FBXL17: variants seen among roughly 807,000 people sequenced by gnomAD.
The protein encoded by FBXL17 is F-box and leucine rich repeat protein 17, also known as F-box/LRR-repeat protein 17.
A neutral mutation model predicts 66.2 loss-of-function variants in FBXL17; 22 were observed. The ratio of observed to expected loss-of-function variants is 0.33; its 90% CI spans 0.24 to 0.47. The LOEUF (loss-of-function observed/expected upper bound fraction) is 0.47, where lower values mean the gene tolerates loss of function less well. Among genes scored for constraint, FBXL17 ranks in the 20% least tolerant of loss-of-function variants. The probability of loss-of-function intolerance (pLI) is 1.00; values close to 1 mark genes in which losing one functional copy is unlikely to be tolerated. For missense variants in FBXL17, 878 were observed against 948.2 expected, an observed-to-expected ratio of 0.93 and a Z score of 0.97; for synonymous variants, 474 against 400.5, an observed-to-expected ratio of 1.18 and a Z score of -2.19.
intron 5 of FBXL17, among the ~76,000 whole-genome samples, chr5:108,217,625 GTTAC>G (rs1026397389): frequency 6.6e-6 from 1 of 151,888 alleles, no homozygotes; most frequent in African/African-American, 2.4e-5. Context: ...ATACAATATA[GTTAC>G]TTACTATAGT....
At chr5:108,165,776 G>A (rs1580541589) in intron 6 of FBXL17, among the ~76,000 whole-genome samples, 1 of 152,104 alleles carries the variant, frequency 6.6e-6, no homozygotes, top group Admixed American at 6.5e-5. Context: ...GAGCATGTAG[G>A]AACATGAAAA....
Position 108,186,239 on chromosome 5 carries a change from G to T in FBXL17, c.1623C>A (p.Asn541Lys). ...KGVIHLTKLR[N>K]LSSLDLRHIT... The stretch of plus-strand genomic sequence containing the variant: ...TATGACGTAGGTCCAAGCTGGAAAG[G>T]TTTCTTAGCTAATGAGATAAATAAA... The change falls in exon 6 of 9, where the codon AAC (asparagine) becomes AAA (lysine). Residue 541 changes from asparagine to lysine, a missense_variant. Physicochemically the swap from Asn to Lys is moderately conservative, Grantham distance 94 (BLOSUM62 0). Around this residue, in one of 4 missense-constraint regions of FBXL17, gnomAD observed 236 missense variants for 389.1 expected, o/e 0.61. Coordinates refer to ENST00000542267, the MANE Select transcript of FBXL17 (RefSeq NM_001163315.3). 1 of 1,610,376 alleles carries T rather than the reference G, an allele frequency of 6.2e-7. No individual in the cohort carries two copies. The highest frequency in any genetic ancestry group is 8.5e-7 in the Non-Finnish European group (1 of 1,178,204).
rs199912505 is a variant in FBXL17 at position 108,354,458 on chromosome 5, GA to G, written c.1375-5929del. Among the ~76,000 whole-genome samples, 802 of 151,170 alleles carry G rather than the reference GA, an allele frequency of 5.3e-3. 12 individuals carry two copies. Among genetic ancestry groups the G allele is most frequent in the African/African-American group, 0.019 (767 of 41,282 alleles). On this transcript the variant is annotated intron_variant, in intron 3 of 8. Transcript: ENST00000542267. ...ACTGAAAATCAGGAGAAAAAAGACT[GA>G]AAAAAAATGAACAGAATATCTAAGA...
At chr5:108,212,126 A>G (rs888851655) in intron 5 of FBXL17, among the ~76,000 whole-genome samples, 1 of 152,130 alleles carries the variant, frequency 6.6e-6, no homozygotes, top group Non-Finnish European at 1.5e-5. Context: ...CAGCTATTGA[A>G]ACTTGCGTAT....
chr5:108,361,140 CT>C (rs1473203570), intron 3 of FBXL17, among the ~76,000 whole-genome samples: 2 of 151,918 alleles, frequency 1.3e-5, no homozygotes, highest in Non-Finnish European at 2.9e-5. Flanking sequence ...ATGGGTAATA[CT>C]TTTTTCTTTG....
At chr5:108,310,177 A>T (rs945119488) in intron 4 of FBXL17, among the ~76,000 whole-genome samples, 2 of 152,158 alleles carry the variant, frequency 1.3e-5, no homozygotes, top group African/African-American at 4.8e-5. Context: ...ATACAAGATC[A>T]CAGTTCTACA....
chr5:108,068,810 T>C lies in FBXL17; in HGVS notation c.1746-47809A>G, dbSNP rs77212432. On this transcript the variant is annotated intron_variant, in intron 6 of 8. Transcript: ENST00000542267. ...CTGACAAGTGTTAGCCCAAAATGAA[T>C]GTTTACAACCTATAGTGTGCAATGG... is the stretch of plus-strand genomic sequence containing the variant. 8.9e-4 allele frequency among the ~76,000 whole-genome samples: 136 copies of C among 152,274 alleles called. 1 individual carries two copies. In the East Asian group the frequency reaches 0.022, roughly 25 times the overall value.
intron 7 of FBXL17, among the ~76,000 whole-genome samples, chr5:107,907,687 T>C (rs968652285): frequency 7.2e-5 from 11 of 152,108 alleles, no homozygotes; most frequent in African/African-American, 2.7e-4. Flanking sequence ...AAAAAACACA[T>C]GACAAAATGC....
chr5:108,128,517 A>C (rs2149973605), intron 6 of FBXL17, among the ~76,000 whole-genome samples: 1 of 152,276 alleles, frequency 6.6e-6, no homozygotes, highest in African/African-American at 2.4e-5. Context: ...TTAATATACC[A>C]ACAATAATTT....
At chr5:108,117,489 G>C (rs1258097147) in intron 6 of FBXL17, among the ~76,000 whole-genome samples, 2 of 151,968 alleles carry the variant, frequency 1.3e-5, no homozygotes, top group South Asian at 2.1e-4. Context: ...GAGCTTAAAG[G>C]CTTATGAAAA....
chr5:108,152,029 G>A (rs1751791176), intron 6 of FBXL17, among the ~76,000 whole-genome samples: 1 of 152,050 alleles, frequency 6.6e-6, no homozygotes, highest in Admixed American at 6.6e-5. Context: ...GAACTCAATG[G>A]GTCCTCAAGA....
intron 5 of FBXL17, among the ~76,000 whole-genome samples, chr5:108,214,159 G>A: frequency 6.6e-6 from 1 of 152,046 alleles, no homozygotes; most frequent in East Asian, 1.9e-4. Flanking sequence ...ATTGTGCCTA[G>A]TTGATGAATT....
intron 5 of FBXL17, among the ~76,000 whole-genome samples, chr5:108,197,015 A>T (rs898739630): frequency 2.0e-5 from 3 of 152,142 alleles, no homozygotes; most frequent in Non-Finnish European, 4.4e-5. Flanking sequence ...CTGCTTCTCA[A>T]TATACCAATT....
chr5:108,143,741 A>G (rs2149989168), intron 6 of FBXL17, among the ~76,000 whole-genome samples: 1 of 150,984 alleles, frequency 6.6e-6, no homozygotes, highest in African/African-American at 2.4e-5. Flanking sequence ...AAAAAAAAAA[A>G]AAAAAAAAAG....
At chr5:108,234,172 TG>T (rs1755492731) in intron 4 of FBXL17, among the ~76,000 whole-genome samples, 1 of 152,156 alleles carries the variant, frequency 6.6e-6, no homozygotes, top group Non-Finnish European at 1.5e-5. Context: ...AAACATGATT[TG>T]GGACTGTGGA....
intron 4 of FBXL17, among the ~76,000 whole-genome samples, chr5:108,233,769 A>G (rs1729888718): frequency 6.6e-6 from 1 of 152,206 alleles, no homozygotes; most frequent in South Asian, 2.1e-4. Context: ...AGGACCATTA[A>G]AAGCCTGCAT....
chr5:108,102,424 A>G (rs886105570), intron 6 of FBXL17, among the ~76,000 whole-genome samples: 2 of 152,214 alleles, frequency 1.3e-5, no homozygotes, highest in African/African-American at 4.8e-5. Context: ...TTCCAATCAG[A>G]CAGACCTGAA....
chr5:107,996,939 C>A (rs6880705), intron 7 of FBXL17, among the ~76,000 whole-genome samples: 27,174 of 152,096 alleles, frequency 0.18, 6,794 homozygotes, highest in African/African-American at 0.56. Flanking sequence ...CACTACTCTT[C>A]GCATGTTGCC....
At position 108,267,533 on chromosome 5, in the gene FBXL17, C is replaced by A. The variant is rs374133276; in HGVS notation, c.1507-43305G>T. On this transcript the variant is annotated intron_variant, in intron 4 of 8. Transcript: ENST00000542267. ...AGTGTAACATTGGTAAAGTTATCAT[C>A]ATTAAGTATTAATTTCCCATTTCTA... Among the ~76,000 whole-genome samples the A allele has an allele frequency of 2.1e-4, 32 of 152,142 alleles. No individual in the cohort carries two copies. In the South Asian group the frequency reaches 6.4e-3, roughly 31 times the overall value.
Sources: gnomAD v4.1 joint callset for allele counts (sites outside exome capture counted in the v4.1 genomes callset) on GRCh38, gnomAD v4.1.1 for gene constraint, gnomAD v4.1.1 regional missense constraint, MANE v1.5 for transcripts, NCBI Gene and HGNC (gene_info 2026-07-23, HGNC 2026-07-21) for gene names.